The following ZNRF3 variants were observed in gnomAD, a reference collection of about 807,000 sequenced individuals.
The protein encoded by ZNRF3 is E3 ubiquitin-protein ligase ZNRF3.
A neutral mutation model predicts 72.5 loss-of-function variants in ZNRF3; 23 were observed. The observed-to-expected ratio is 0.32, with a 90% CI of 0.23 to 0.45. The LOEUF is 0.45. ZNRF3 is among the 20% of genes least tolerant of loss of function. The probability of loss-of-function intolerance (pLI) is 1.00; values close to 1 mark genes in which losing one functional copy is unlikely to be tolerated. For missense variants in ZNRF3, 1,169 were observed against 1,272.1 expected (o/e 0.92, Z 1.23); for synonymous variants, 610 against 545.3 (o/e 1.12, Z -1.65).
intron 6 of ZNRF3, among the ~76,000 whole-genome samples, chr22:29,047,106 T>A (rs2037088911): frequency 6.6e-6 from 1 of 152,194 alleles, no homozygotes; most frequent in Non-Finnish European, 1.5e-5. Flanking sequence ...TGTAGCTCTT[T>A]GAAAATTTTA....
At chr22:28,956,075 G>T (rs757982367) in intron 1 of ZNRF3, among the ~76,000 whole-genome samples, 19 of 152,150 alleles carry the variant, frequency 1.2e-4, no homozygotes, top group Non-Finnish European at 2.4e-4. Flanking sequence ...TCTGTCACCA[G>T]TAGAGCATGT....
intron 5 of ZNRF3, among the ~76,000 whole-genome samples, chr22:29,045,362 C>CA (rs59285656): frequency 0.028 from 2,774 of 97,492 alleles, 74 homozygotes; most frequent in African/African-American, 0.071. Context: ...CCCTGTCTCA[C>CA]AAAAAAAAAA....
intron 1 of ZNRF3, among the ~76,000 whole-genome samples, chr22:28,931,111 G>A (rs147961237): frequency 2.5e-4 from 38 of 152,320 alleles, no homozygotes; most frequent in African/African-American, 8.4e-4. Flanking sequence ...AGGAAAAGAA[G>A]TAGTCATTTC....
chr22:28,894,916 G>C (rs947684026), intron 1 of ZNRF3, among the ~76,000 whole-genome samples: 1 of 152,116 alleles, frequency 6.6e-6, no homozygotes, highest in Non-Finnish European at 1.5e-5. Flanking sequence ...AGTCCCATGA[G>C]GCAATAGCCT....
At chr22:28,893,633 G>A (rs1034983631) in intron 1 of ZNRF3, among the ~76,000 whole-genome samples, 5 of 151,752 alleles carry the variant, frequency 3.3e-5, no homozygotes, top group African/African-American at 1.2e-4. Flanking sequence ...GAGTAGCTGG[G>A]ACTACAGGTG....
intron 1 of ZNRF3, among the ~76,000 whole-genome samples, chr22:28,909,834 C>T (rs2034283396): frequency 6.7e-6 from 1 of 148,800 alleles, no homozygotes; most frequent in Non-Finnish European, 1.5e-5. Context: ...CTCAAGGGAT[C>T]CATTCACCTC....
In ZNRF3 at chr22:29,054,352, C is replaced by T. The variant is rs2037262508; in HGVS notation, c.*730C>T. On this transcript the variant is annotated 3_prime_UTR_variant, in exon 9 of 9. Transcript: ENST00000544604. ...GGTCAAGCCGCTGCTATGAAAGCTC[C>T]AGGGTGATGGGGACGATTCTGCCCA... 1.3e-5 allele frequency: 2 copies of T among 152,368 alleles called. No individual in the cohort carries two copies. Among genetic ancestry groups the T allele is most frequent in the African/African-American group, 4.8e-5 (2 of 41,446 alleles). The allele number at this position is 152,368 out of a possible 1,614,324, so 9.4% of individuals were successfully genotyped here. A position where few individuals can be genotyped will look rare whatever the true frequency, so the allele number is the denominator to read the frequency against.
chr22:28,958,654 A>T (rs545850423), intron 1 of ZNRF3, among the ~76,000 whole-genome samples: 1 of 152,324 alleles, frequency 6.6e-6, no homozygotes, highest in East Asian at 1.9e-4. Flanking sequence ...GAGAGAGGGT[A>T]TAAGAGTGGC....
intron 2 of ZNRF3, among the ~76,000 whole-genome samples, chr22:29,017,521 T>C (rs2036459046): frequency 6.6e-6 from 1 of 152,148 alleles, no homozygotes; most frequent in African/African-American, 2.4e-5. Context: ...CGCAGACCAA[T>C]AATTTCTGAC....
intron 1 of ZNRF3, among the ~76,000 whole-genome samples, chr22:28,909,291 G>T (rs1320352831): frequency 2.0e-5 from 3 of 152,064 alleles, no homozygotes; most frequent in Non-Finnish European, 4.4e-5. Context: ...TTTAACTATT[G>T]CTACCTATGG....
intron 2 of ZNRF3, among the ~76,000 whole-genome samples, chr22:29,003,618 T>C (rs2036192021): frequency 6.6e-6 from 1 of 151,860 alleles, no homozygotes; most frequent in African/African-American, 2.4e-5. Flanking sequence ...GGCAGGAGGA[T>C]TGCTTGAGCT....
At chr22:28,893,615 A>C (rs1292196330) in intron 1 of ZNRF3, among the ~76,000 whole-genome samples, 1 of 149,214 alleles carries the variant, frequency 6.7e-6, no homozygotes, top group African/African-American at 2.5e-5. Flanking sequence ...CTCCCACCTC[A>C]GTCTCCCGAG....
At chr22:28,959,942 GC>G (rs1208927016) in intron 1 of ZNRF3, among the ~76,000 whole-genome samples, 1 of 152,200 alleles carries the variant, frequency 6.6e-6, no homozygotes, top group African/African-American at 2.4e-5. Flanking sequence ...GGACTTCCCA[GC>G]TCCAGAACTG....
At chr22:28,890,359 G>T (rs2033862209) in intron 1 of ZNRF3, among the ~76,000 whole-genome samples, 1 of 152,184 alleles carries the variant, frequency 6.6e-6, no homozygotes, top group South Asian at 2.1e-4. Context: ...AATTAGCCGG[G>T]CGTGGTGGCG....
chr22:29,051,523 G>T (rs1256116736), intron 8 of ZNRF3, among the ~76,000 whole-genome samples: 1 of 150,814 alleles, frequency 6.6e-6, no homozygotes, highest in Non-Finnish European at 1.5e-5. Context: ...AAAATCACTT[G>T]AACCTGGTTG....
chr22:29,013,560 A>G lies in ZNRF3; in HGVS notation c.426+26359A>G, dbSNP rs568595038. On this transcript the variant is annotated intron_variant, in intron 2 of 8. Transcript: ENST00000544604. ...GATTAAATGGCAAAATATGATGGCAATTTTTACCCTTTGTTATTATTGAAA... is the reference window on the plus strand; with the variant it reads ...GATTAAATGGCAAAATATGATGGCAGTTTTTACCCTTTGTTATTATTGAAA... Among the ~76,000 whole-genome samples the G allele has an allele frequency of 3.9e-5, 6 of 152,262 alleles. No homozygotes were observed. In the South Asian group the frequency reaches 1.2e-3, roughly 32 times the overall value.
rs572891754 is a variant in ZNRF3, at chr22:29,051,165, A to G, written c.2767+217A>G. Among the ~76,000 whole-genome samples the G allele has an allele frequency of 2.0e-5, 3 of 152,144 alleles. No individual in the cohort carries two copies. In the East Asian group the frequency reaches 5.8e-4, roughly 29 times the overall value. ...TCCATGATCTCGGGATCTCTCCCCA[A>G]GATGCCTGCAGCCTGTCATGTCCAC... is the stretch of plus-strand genomic sequence containing the variant. On this transcript the variant is annotated intron_variant, in intron 8 of 8. Coordinates refer to ENST00000544604, the MANE Select transcript of ZNRF3 (RefSeq NM_001206998.2).
At chr22:28,917,984 T>C (rs2034438840) in intron 1 of ZNRF3, among the ~76,000 whole-genome samples, 1 of 152,268 alleles carries the variant, frequency 6.6e-6, no homozygotes, top group South Asian at 2.1e-4. Context: ...GGAGTTTCCA[T>C]TGAAGTGCTA....
rs1002810819 is a variant in ZNRF3 at position 29,056,712 on chromosome 22, C to G, written c.*3090C>G. ...GCCCTGGCTGTAGGACAGCCATATA[C>G]AGTGAAGAGTTCTAGAACCAGCTAA... On this transcript the variant is annotated 3_prime_UTR_variant, in exon 9 of 9. Transcript: ENST00000544604. 6.6e-6 allele frequency: 1 copy of G among 152,188 alleles called. No individual in the cohort carries two copies. Among genetic ancestry groups the G allele is most frequent in the African/African-American group, 2.4e-5 (1 of 41,444 alleles). The allele number at this position is 152,188 out of a possible 1,614,324, so 9.4% of individuals were successfully genotyped here.
Sources: gnomAD v4.1 joint callset for allele counts (sites outside exome capture counted in the v4.1 genomes callset) on GRCh38, gnomAD v4.1.1 for gene constraint, MANE v1.5 for transcripts, NCBI Gene and HGNC (gene_info 2026-07-23, HGNC 2026-07-21) for gene names.